The following TENM2 variants were observed in gnomAD, a reference collection of about 807,000 sequenced individuals.
TENM2 encodes the protein teneurin transmembrane protein 2, also known as teneurin-2.
Under a neutral mutation model 245.2 loss-of-function variants are expected in TENM2, and 52 were observed. The ratio of observed to expected loss-of-function variants is 0.21; its 90% CI spans 0.17 to 0.27. The LOEUF (loss-of-function observed/expected upper bound fraction) is 0.27, where lower values mean the gene tolerates loss of function less well. Ranked by LOEUF, TENM2 falls within the 10% of genes least tolerant of loss-of-function variation. TENM2 has a pLI of 1.00. For missense variants in TENM2, 3,046 were observed against 3,666.8 expected (o/e 0.83, Z 4.37); for synonymous variants, 1,363 against 1,438.9 (o/e 0.95, Z 1.19).
At chr5:167,868,565 C>T (rs749436397) in intron 2 of TENM2, among the ~76,000 whole-genome samples, 1 of 151,494 alleles carries the variant, frequency 6.6e-6, no homozygotes, top group African/African-American at 2.4e-5. Flanking sequence ...GGTGAAACCC[C>T]GTCTCTACTA....
chr5:167,572,442 G>T (rs1307943557), intron 2 of TENM2, among the ~76,000 whole-genome samples: 1 of 152,132 alleles, frequency 6.6e-6, no homozygotes, highest in East Asian at 1.9e-4. Context: ...AGGGCACATA[G>T]AATTTACTTT....
At chr5:167,586,818 T>A (rs1392542210) in intron 2 of TENM2, among the ~76,000 whole-genome samples, 1 of 152,204 alleles carries the variant, frequency 6.6e-6, no homozygotes, top group African/African-American at 2.4e-5. Context: ...GAAAGAATTT[T>A]TCTTCAATTT....
chr5:167,061,245 C>T, the TENM2 span, among the ~76,000 whole-genome samples: 853 of 152,168 alleles, frequency 5.6e-3, 3 homozygotes, highest in Middle Eastern at 0.02. Context: ...TCCTATTATA[C>T]GCATTTATTT....
intron 2 of TENM2, among the ~76,000 whole-genome samples, chr5:167,710,709 A>G (rs1207707984): frequency 6.6e-6 from 1 of 152,198 alleles, no homozygotes; most frequent in Non-Finnish European, 1.5e-5. Flanking sequence ...AGGTTAATAA[A>G]TCCAGACATT....
At position 167,328,632 on chromosome 5, in the gene TENM2, T is replaced by A. The variant is rs140059675; in HGVS notation, c.226+43569T>A. ...CACTGGCCTTCTCCCAGCATTCAAA[T>A]AAAATAATCACACTACCTCATGGTA... On this transcript the variant is annotated intron_variant, in intron 1 of 28. Transcript: ENST00000518659. Among the ~76,000 whole-genome samples the A allele has an allele frequency of 2.9e-3, 444 of 152,292 alleles. 3 individuals carry two copies. Among genetic ancestry groups the A allele is most frequent in the African/African-American group, 9.8e-3 (407 of 41,574 alleles).
At chr5:168,219,644 A>G (rs1477891387) in intron 23 of TENM2, among the ~76,000 whole-genome samples, 1 of 151,952 alleles carries the variant, frequency 6.6e-6, no homozygotes, top group African/African-American at 2.4e-5. Flanking sequence ...GGTTGGAGGA[A>G]GTTACTAGGC....
chr5:167,363,435 T>G (rs989208470), intron 1 of TENM2, among the ~76,000 whole-genome samples: 20 of 151,982 alleles, frequency 1.3e-4, no homozygotes, highest in African/African-American at 4.8e-4. Context: ...AAATTAAATA[T>G]AATTAAGTAT....
chr5:167,336,176 CTTTTTTTTTTT>C (rs35059289), intron 1 of TENM2, among the ~76,000 whole-genome samples: 1 of 83,098 alleles, frequency 1.2e-5, no homozygotes, highest in Non-Finnish European at 2.2e-5. Flanking sequence ...TTCATTTCTC[CTTTTTTTTTTT>C]TTTTTTTTTT....
At chr5:167,839,974 C>T (rs141953030) in intron 2 of TENM2, among the ~76,000 whole-genome samples, 27 of 152,268 alleles carry the variant, frequency 1.8e-4, no homozygotes, top group Admixed American at 2.6e-4. Flanking sequence ...TGCGCCACCA[C>T]GCCCTGCTAA....
intron 1 of TENM2, among the ~76,000 whole-genome samples, chr5:167,293,142 C>A (rs913331918): frequency 6.6e-6 from 1 of 152,152 alleles, no homozygotes; most frequent in African/African-American, 2.4e-5. Context: ...GTGGCCTGAA[C>A]TAGGATAGCA....
intron 23 of TENM2, among the ~76,000 whole-genome samples, chr5:168,225,021 T>C (rs1300774524): frequency 1.3e-5 from 2 of 152,090 alleles, no homozygotes; most frequent in Non-Finnish European, 2.9e-5. Flanking sequence ...CACATATACA[T>C]AAAGAAGGAG....
the TENM2 span, among the ~76,000 whole-genome samples, chr5:167,204,524 C>T: frequency 6.6e-6 from 1 of 152,182 alleles, no homozygotes; most frequent in Admixed American, 6.5e-5. Context: ...GCATTGAAAT[C>T]CTTAGCGGAA....
At chr5:168,215,535 G>A (rs111461041) in intron 21 of TENM2, among the ~76,000 whole-genome samples, 5 of 152,140 alleles carry the variant, frequency 3.3e-5, no homozygotes, top group South Asian at 2.1e-4. Context: ...CGGGCGTGGC[G>A]GTGGGCGCCT....
chr5:167,552,781 A>G (rs1439802831), intron 2 of TENM2, among the ~76,000 whole-genome samples: 2 of 152,208 alleles, frequency 1.3e-5, no homozygotes, highest in Non-Finnish European at 1.5e-5. Context: ...ATAGATAACT[A>G]GAGGAGTTAC....
chr5:167,049,337 A>G, the TENM2 span, among the ~76,000 whole-genome samples: 5 of 152,330 alleles, frequency 3.3e-5, no homozygotes, highest in African/African-American at 1.2e-4. Flanking sequence ...TTTGTGGAGC[A>G]TTCAGGGTTT....
chr5:168,098,454 T>C (rs1793545475), intron 9 of TENM2, among the ~76,000 whole-genome samples: 1 of 152,168 alleles, frequency 6.6e-6, no homozygotes, highest in Admixed American at 6.5e-5. Context: ...TTAACTTCTA[T>C]GTAATGGAAG....
intron 15 of TENM2, 28 bp from the exon 18 acceptor site, chr5:168,198,825 C>T (rs1320386591): frequency 1.2e-6 from 2 of 1,606,716 alleles, no homozygotes; most frequent in African/African-American, 2.7e-5. Context: ...AGTCTACCCC[C>T]TCATCAGCTC....
intron 2 of TENM2, among the ~76,000 whole-genome samples, chr5:167,463,166 A>C (rs1205506457): frequency 1.3e-5 from 2 of 152,188 alleles, no homozygotes; most frequent in Admixed American, 6.5e-5. Flanking sequence ...ATTGAGACTT[A>C]AGTTTCAAAA....
the TENM2 span, among the ~76,000 whole-genome samples, chr5:167,227,167 T>C: frequency 0.21 from 31,308 of 151,790 alleles, 3,763 homozygotes; most frequent in African/African-American, 0.33. Context: ...TATTTTCAAT[T>C]TATGTTGAAG....
Sources: allele counts gnomAD v4.1 joint callset (sites outside exome capture counted in the v4.1 genomes callset), GRCh38; gene constraint gnomAD v4.1.1; transcripts MANE v1.5; gene names NCBI Gene and HGNC (gene_info 2026-07-23, HGNC 2026-07-21).